The following FARP1 variants were observed in gnomAD, a reference collection of about 807,000 sequenced individuals.
FARP1 encodes the protein FERM, ARH/RhoGEF and pleckstrin domain protein 1, also known as FERM, ARHGEF and pleckstrin domain-containing protein 1.
FARP1 carries 52 observed loss-of-function variants against 128.8 expected under a neutral mutation model. That is an observed-to-expected ratio of 0.40 (90% CI 0.32 to 0.51). The LOEUF is 0.51. Among genes scored for constraint, FARP1 ranks in the 20% least tolerant of loss-of-function variants. FARP1 has a pLI of 0.45. For missense variants in FARP1, 1,333 were observed against 1,367.9 expected (o/e 0.97, Z 0.40); for synonymous variants, 580 against 551.8 (o/e 1.05, Z -0.72).
rs558215892 is a variant in FARP1 at position 98,454,083 on chromosome 13, A to G, written c.*5766A>G. The G allele has an allele frequency of 1.3e-5, 2 of 152,326 alleles. No individual in the cohort carries two copies. The highest frequency in any genetic ancestry group is 4.8e-5 in the African/African-American group (2 of 41,562). 9.4% of individuals were successfully genotyped at this position (152,326 alleles called of 1,614,324 possible). On this transcript the variant is annotated 3_prime_UTR_variant, in exon 27 of 27. Transcript: ENST00000319562. ...GCACTATATAAGTATATTTACATGA[A>G]CAACTTCTGTATCCTAAATTAAGTA...
At position 98,438,791 on chromosome 13, in the gene FARP1, G is replaced by A. The variant is rs377439606; in HGVS notation, c.2275-13G>A. ...ACGCTCGCAGCCAGCCCTCCGGTCT[G>A]TCTCCCCTGCAGGAGTTCATCCGTC... On this transcript the variant is annotated splice_polypyrimidine_tract_variant and intron_variant, in intron 19 of 26. Coordinates refer to ENST00000319562, the MANE Select transcript of FARP1 (RefSeq NM_005766.4). The A allele has an allele frequency of 8.1e-6, 13 of 1,611,442 alleles. No homozygotes were observed. Among genetic ancestry groups the A allele is most frequent in the African/African-American group, 6.7e-5 (5 of 74,864 alleles).
intron 2 of FARP1, chr13:98,244,662 A>G (rs768117627): frequency 1.4e-5 from 22 of 1,614,262 alleles, no homozygotes; most frequent in Non-Finnish European, 1.8e-5. Flanking sequence ...GGCTGGAAGT[A>G]GAAGCTTAGC....
At chr13:98,248,961 G>A (rs1297529115) in intron 2 of FARP1, among the ~76,000 whole-genome samples, 1 of 152,136 alleles carries the variant, frequency 6.6e-6, no homozygotes, top group Non-Finnish European at 1.5e-5. Context: ...ATAAGTTCTA[G>A]TGCTACTTAC....
chr13:98,253,129 C>G (rs776247288), intron 2 of FARP1, among the ~76,000 whole-genome samples: 22 of 152,270 alleles, frequency 1.4e-4, no homozygotes, highest in Non-Finnish European at 2.4e-4. Flanking sequence ...ATGTTCAAGC[C>G]AAGTTTGTCC....
chr13:98,206,176 GTT>G (rs1491451035), intron 1 of FARP1, among the ~76,000 whole-genome samples: 1 of 86,432 alleles, frequency 1.2e-5, no homozygotes, highest in Non-Finnish European at 2.3e-5. Flanking sequence ...ATGACTTGAG[GTT>G]GTGTGTGTGT....
Position 98,343,714 on chromosome 13 carries a change from T to G in FARP1, c.172-48T>G, listed in dbSNP as rs765291184. 2.2e-6 allele frequency: 3 copies of G among 1,337,816 alleles called. No homozygotes were observed. In the South Asian group the frequency reaches 3.5e-5, roughly 16 times the overall value. 82.9% of individuals were successfully genotyped at this position (1,337,816 alleles called of 1,614,324 possible). A position where few individuals can be genotyped will look rare whatever the true frequency, so the allele number is the denominator to read the frequency against. ...CTGCAGCGAGGAGCTGTGGTTTGTT[T>G]TCATCCGTGCCTGCCTCAGGGATAA... On this transcript the variant is annotated intron_variant, in intron 2 of 26. Transcript: ENST00000319562.
intron 2 of FARP1, among the ~76,000 whole-genome samples, chr13:98,263,510 G>T (rs1182363932): frequency 6.6e-6 from 1 of 152,116 alleles, no homozygotes; most frequent in Non-Finnish European, 1.5e-5. Flanking sequence ...TCTCAAAAGA[G>T]AAAAAAGTTT....
chr13:98,322,918 A>G (rs1293564459), intron 2 of FARP1, among the ~76,000 whole-genome samples: 3 of 152,162 alleles, frequency 2.0e-5, no homozygotes, highest in East Asian at 1.9e-4. Flanking sequence ...CAGAATAGCT[A>G]TTTGTCATGG....
At chr13:98,184,840 T>G (rs914850448) in intron 1 of FARP1, among the ~76,000 whole-genome samples, 1 of 152,246 alleles carries the variant, frequency 6.6e-6, no homozygotes, top group Non-Finnish European at 1.5e-5. Flanking sequence ...ATACTTCAAG[T>G]GTATTTTAAA....
intron 8 of FARP1, chr13:98,386,091 C>A (rs1312911768): frequency 5.3e-6 from 2 of 374,216 alleles, no homozygotes; most frequent in Non-Finnish European, 4.9e-6. Flanking sequence ...CTCCATGGAC[C>A]TACACTTAGA....
chr13:98,161,496 C>T (rs909396701), intron 1 of FARP1, among the ~76,000 whole-genome samples: 3 of 152,092 alleles, frequency 2.0e-5, no homozygotes, highest in African/African-American at 7.2e-5. Context: ...GGATTACAGG[C>T]ATGAGCCACC....
chr13:98,368,669 G>A (rs1169678632), intron 5 of FARP1, among the ~76,000 whole-genome samples: 1 of 152,200 alleles, frequency 6.6e-6, no homozygotes, highest in Non-Finnish European at 1.5e-5. Flanking sequence ...GCTGTGACGG[G>A]CCAGTTACTT....
At chr13:98,273,352 T>C (rs1223389900) in intron 2 of FARP1, among the ~76,000 whole-genome samples, 1 of 152,200 alleles carries the variant, frequency 6.6e-6, no homozygotes, top group East Asian at 1.9e-4. Context: ...TTTGATGTCT[T>C]GCTGTCACAA....
intron 1 of FARP1, among the ~76,000 whole-genome samples, chr13:98,179,774 G>A (rs1011901615): frequency 2.6e-5 from 4 of 151,962 alleles, no homozygotes; most frequent in Non-Finnish European, 4.4e-5. Context: ...GGAGAATGGC[G>A]TGAACCCGGG....
intron 1 of FARP1, among the ~76,000 whole-genome samples, chr13:98,195,374 G>C (rs181768001): frequency 2.0e-5 from 3 of 152,092 alleles, no homozygotes; most frequent in African/African-American, 7.3e-5. Context: ...GTATTCCCCC[G>C]GGCTGTTTGT....
chr13:98,193,011 C>T (rs1879336556), intron 1 of FARP1, among the ~76,000 whole-genome samples: 1 of 151,980 alleles, frequency 6.6e-6, no homozygotes, highest in Admixed American at 6.6e-5. Context: ...GCTGCCAGCC[C>T]TTGTCTTCCA....
chr13:98,299,985 A>G (rs370404652), intron 2 of FARP1, among the ~76,000 whole-genome samples: 1 of 152,176 alleles, frequency 6.6e-6, no homozygotes, highest in African/African-American at 2.4e-5. Context: ...GGAGCATTGA[A>G]AGCTTCCTCT....
intron 2 of FARP1, among the ~76,000 whole-genome samples, chr13:98,228,496 A>T (rs1176456555): frequency 2.6e-5 from 4 of 151,858 alleles, no homozygotes; most frequent in Non-Finnish European, 5.9e-5. Context: ...GCCCCAGCTG[A>T]TTGAAGTTTA....
At chr13:98,281,420 T>C (rs1001316420) in intron 2 of FARP1, among the ~76,000 whole-genome samples, 1 of 152,174 alleles carries the variant, frequency 6.6e-6, no homozygotes, top group African/African-American at 2.4e-5. Context: ...AAGGCATAGC[T>C]TTTTAGTGGC....
Sources: gnomAD v4.1 joint callset for allele counts (sites outside exome capture counted in the v4.1 genomes callset) on GRCh38, gnomAD v4.1.1 for gene constraint, MANE v1.5 for transcripts, NCBI Gene and HGNC (gene_info 2026-07-23, HGNC 2026-07-21) for gene names.